PICALM: variants seen among roughly 807,000 people sequenced by gnomAD.
PICALM encodes the protein phosphatidylinositol-binding clathrin assembly protein.
In PICALM, 40 loss-of-function variants were observed where a neutral mutation model predicts 80.5. The ratio of observed to expected loss-of-function variants is 0.50; its 90% CI spans 0.39 to 0.65. The LOEUF is 0.65. PICALM is among the 30% of genes least tolerant of loss of function. PICALM has a pLI of 0.00. For synonymous variants in PICALM, 288 were observed against 260.3 expected (o/e 1.11, Z -1.02); for missense variants, 676 against 778.9 (o/e 0.87, Z 1.57).
At chr11:86,011,938 C>T (rs796224095) in intron 6 of PICALM, among the ~76,000 whole-genome samples, 3 of 151,360 alleles carry the variant, frequency 2.0e-5, no homozygotes, top group African/African-American at 7.3e-5. Context: ...GCAACCTCCG[C>T]CTCCTGGGTT....
chr11:85,979,665 A>G (rs1349578690), intron 17 of PICALM, among the ~76,000 whole-genome samples: 1 of 152,172 alleles, frequency 6.6e-6, no homozygotes, highest in Non-Finnish European at 1.5e-5. Flanking sequence ...TAACAAACAT[A>G]CTATTTTTAG....
At chr11:85,967,701 C>T (rs1261612242) in intron 19 of PICALM, among the ~76,000 whole-genome samples, 1 of 152,038 alleles carries the variant, frequency 6.6e-6, no homozygotes, top group Non-Finnish European at 1.5e-5. Context: ...ATTAACACAC[C>T]AAGAGAATAA....
intron 18 of PICALM, among the ~76,000 whole-genome samples, chr11:85,975,691 G>A (rs559268229): frequency 6.8e-6 from 1 of 147,180 alleles, no homozygotes; most frequent in East Asian, 2.0e-4. Context: ...CTGCCTCCTG[G>A]GTTCAAGCCA....
intron 1 of PICALM, among the ~76,000 whole-genome samples, chr11:86,036,036 GCTTCA>G (rs1347999294): frequency 2.0e-5 from 3 of 151,028 alleles, no homozygotes; most frequent in South Asian, 2.1e-4. Context: ...ATCAAATTTT[GCTTCA>G]CTTATCAAAT....
intron 19 of PICALM, chr11:85,974,355 T>A (rs1252131112): frequency 1.9e-5 from 8 of 417,440 alleles, no homozygotes; most frequent in South Asian, 1.5e-4. Flanking sequence ...TTCTAGCCAT[T>A]AGCCAAGGAA....
At chr11:85,985,619 T>A (rs1007635381) in intron 13 of PICALM, among the ~76,000 whole-genome samples, 2 of 152,044 alleles carry the variant, frequency 1.3e-5, no homozygotes, top group Admixed American at 6.6e-5. Context: ...TATTTTTAAG[T>A]GTGCAAGGTG....
intron 19 of PICALM, among the ~76,000 whole-genome samples, chr11:85,973,085 T>C (rs1374886321): frequency 9.2e-5 from 14 of 152,226 alleles, no homozygotes; most frequent in Admixed American, 8.5e-4. Context: ...ATTTTCACTG[T>C]AAATACTTAA....
At chr11:86,062,037 C>T (rs932352148) in intron 1 of PICALM, among the ~76,000 whole-genome samples, 1 of 152,130 alleles carries the variant, frequency 6.6e-6, no homozygotes, top group African/African-American at 2.4e-5. Flanking sequence ...ATGATTCCAA[C>T]TATGACATCT....
chr11:85,995,872 G>A (rs1034578204), intron 12 of PICALM, among the ~76,000 whole-genome samples: 1 of 151,960 alleles, frequency 6.6e-6, no homozygotes, highest in Non-Finnish European at 1.5e-5. Flanking sequence ...TTAATATCTT[G>A]TCATTTTTAG....
intron 2 of PICALM, among the ~76,000 whole-genome samples, chr11:86,027,261 T>A (rs551082868): frequency 6.6e-6 from 1 of 152,280 alleles, no homozygotes; most frequent in African/African-American, 2.4e-5. Flanking sequence ...TACCTAGGGA[T>A]GAATTATTAG....
At chr11:85,994,848 T>C (rs1335400000) in intron 12 of PICALM, among the ~76,000 whole-genome samples, 3 of 152,154 alleles carry the variant, frequency 2.0e-5, no homozygotes, top group African/African-American at 4.8e-5. Flanking sequence ...AGATGACAGA[T>C]GTGTACCACC....
rs201030001 is a variant in PICALM, at chr11:86,068,677, A to G, written c.104T>C (p.Met35Thr). ...GTCCAGGTGCTTTTTCTTGGGCCCC[A>G]TGATCTCGTGGGTCGTGGCCTTGCA... ...TVCKATTHEIMGPKKKHLDYL... is the reference protein window; with the variant it reads ...TVCKATTHEITGPKKKHLDYL... The change falls in exon 1 of 20, where the codon ATG becomes ACG. Residue 35 changes from methionine to threonine, a missense_variant. By Grantham distance (81) the Met-to-Thr change is moderately conservative (BLOSUM62 -1). This residue lies in a region of PICALM where 285 missense variants were observed against 395.4 expected (regional missense o/e 0.72). Coordinates refer to ENST00000393346, the MANE Select transcript of PICALM (RefSeq NM_007166.4). The G allele has an allele frequency of 1.6e-5, 25 of 1,611,910 alleles. No homozygotes were observed. Among genetic ancestry groups the G allele is most frequent in the Non-Finnish European group, 7.6e-6 (9 of 1,179,212 alleles).
chr11:86,037,579 T>C (rs1022625561), intron 1 of PICALM, among the ~76,000 whole-genome samples: 1 of 151,156 alleles, frequency 6.6e-6, no homozygotes, highest in African/African-American at 2.4e-5. Context: ...TTTTTTTTAA[T>C]TACTGCTTGT....
At chr11:86,066,267 A>T (rs1019480580) in intron 1 of PICALM, among the ~76,000 whole-genome samples, 6 of 152,218 alleles carry the variant, frequency 3.9e-5, no homozygotes, top group Non-Finnish European at 5.9e-5. Flanking sequence ...TATTAGTGAG[A>T]ACTGATTACA....
Position 86,068,995 on chromosome 11 carries a change from C to A in PICALM, c.-215G>T. 5.2e-6 allele frequency: 3 copies of A among 576,016 alleles called. No individual in the cohort carries two copies. The highest frequency in any genetic ancestry group is 3.1e-5 in the East Asian group (1 of 32,090). The allele number at this position is 576,016 out of a possible 1,614,324, so 35.7% of individuals were successfully genotyped here. On this transcript the variant is annotated 5_prime_UTR_variant, in exon 1 of 20. Transcript: ENST00000393346. The stretch of plus-strand genomic sequence containing the variant: ...GGAGTCGGACAAGATGTCGGGCACT[C>A]CCTTGCCCCCGCCTCAGTTCAGCCC...
chr11:85,997,632 G>A (rs772904816), intron 11 of PICALM, among the ~76,000 whole-genome samples: 4 of 152,142 alleles, frequency 2.6e-5, no homozygotes, highest in Non-Finnish European at 4.4e-5. Context: ...CACCGCATCC[G>A]GCTAATTTTT....
At chr11:86,021,809 A>C (rs1327561928) in intron 4 of PICALM, among the ~76,000 whole-genome samples, 2 of 152,216 alleles carry the variant, frequency 1.3e-5, no homozygotes, top group Non-Finnish European at 2.9e-5. Flanking sequence ...GATAAACAAA[A>C]TGCAGTATAT....
chr11:86,003,314 T>C lies in PICALM; in HGVS notation c.893+52A>G, dbSNP rs988414526. ...GCTTGGAACTTGAGCTGGTTTCATC[T>C]ACTGCCTCAGAAAAATCACTCTGGC... On this transcript the variant is annotated intron_variant, in intron 9 of 19. Coordinates refer to ENST00000393346, the MANE Select transcript of PICALM (RefSeq NM_007166.4). The C allele has an allele frequency of 4.8e-6, 5 of 1,048,672 alleles. No homozygotes were observed. In the Admixed American group the frequency reaches 7.5e-5, roughly 16 times the overall value. 65.0% of individuals were successfully genotyped at this position (1,048,672 alleles called of 1,614,324 possible).
chr11:86,012,406 G>A lies in PICALM; in HGVS notation c.547-14C>T. 1.4e-6 allele frequency: 2 copies of A among 1,457,840 alleles called. No individual in the cohort carries two copies. Among genetic ancestry groups the A allele is most frequent in the Admixed American group, 1.7e-5 (1 of 58,014 alleles). The allele number at this position is 1,457,840 out of a possible 1,614,324, so 90.3% of individuals were successfully genotyped here. ...ATTGCTATTAACCTAGGGAAAAATT[G>A]GAAAATAAAATTAGCTAATCTTAGG... On this transcript the variant is annotated splice_polypyrimidine_tract_variant and intron_variant, in intron 5 of 19. Transcript: ENST00000393346.
Sources: allele counts gnomAD v4.1 joint callset (sites outside exome capture counted in the v4.1 genomes callset), GRCh38; gene constraint gnomAD v4.1.1; regional missense constraint gnomAD v4.1.1; transcripts MANE v1.5; gene names NCBI Gene and HGNC (gene_info 2026-07-23, HGNC 2026-07-21).